The following LRRC59 variants were observed in gnomAD, a reference collection of about 807,000 sequenced individuals.
LRRC59 encodes leucine-rich repeat-containing protein 59.
Under a neutral mutation model 33.5 loss-of-function variants are expected in LRRC59, and 18 were observed. That is an observed-to-expected ratio of 0.54 (90% CI 0.37 to 0.80). The LOEUF (loss-of-function observed/expected upper bound fraction) is 0.80. LRRC59 is among the 30% of genes least tolerant of loss of function. The pLI, the probability that LRRC59 is intolerant of heterozygous loss-of-function variation, is 0.00. For missense variants in LRRC59, 330 were observed against 391.9 expected (o/e 0.84, Z 1.33); for synonymous variants, 138 against 160.0 (o/e 0.86, Z 1.04).
chr17:50,397,360 G>A lies in LRRC59; in HGVS notation c.-43C>T. On this transcript the variant is annotated 5_prime_UTR_variant, in exon 1 of 7. Transcript: ENST00000225972. ...GGGCCCCGGCTCCGGGGTTCCGGCG[G>A]GTGAAAGGAGCTGAAATGTCGCTTG... 3 of 1,496,626 alleles carry A rather than the reference G, an allele frequency of 2.0e-6. No homozygotes were observed. The highest frequency in any genetic ancestry group is 2.8e-6 in the Non-Finnish European group (3 of 1,090,194). 92.7% of individuals were successfully genotyped at this position (1,496,626 alleles called of 1,614,324 possible). A position where few individuals can be genotyped will look rare whatever the true frequency, so the allele number is the denominator to read the frequency against.
At chr17:50,392,562 C>T in intron 3 of LRRC59, 60 bp from the exon 4 acceptor site, 4 of 1,502,610 alleles carry the variant, frequency 2.7e-6, no homozygotes, top group Non-Finnish European at 3.7e-6. Context: ...TACATAGTCC[C>T]TCAGGGTGAA....
chr17:50,391,392 G>A (rs1038920936), intron 4 of LRRC59, among the ~76,000 whole-genome samples: 5 of 152,208 alleles, frequency 3.3e-5, no homozygotes. Flanking sequence ...AGACAGCAGA[G>A]ACTCATCATT....
At chr17:50,389,496 AATAAT>A (rs1466734509) in intron 4 of LRRC59, among the ~76,000 whole-genome samples, 1 of 152,282 alleles carries the variant, frequency 6.6e-6, no homozygotes, top group Non-Finnish European at 1.5e-5. Flanking sequence ...GTGAAGAATA[AATAAT>A]ATAACTTGTA....
chr17:50,393,376 T>C (rs940783331), intron 2 of LRRC59, among the ~76,000 whole-genome samples: 17 of 152,020 alleles, frequency 1.1e-4, no homozygotes, highest in African/African-American at 4.1e-4. Context: ...TGGTTACCCA[T>C]TCTGTCCTTC....
intron 2 of LRRC59, among the ~76,000 whole-genome samples, chr17:50,393,539 T>G (rs1296070904): frequency 6.6e-6 from 1 of 152,196 alleles, no homozygotes; most frequent in African/African-American, 2.4e-5. Context: ...CAACAGACAT[T>G]CTGTGAATAA....
chr17:50,383,893 T>G (rs990100159), intron 6 of LRRC59, among the ~76,000 whole-genome samples: 8 of 151,786 alleles, frequency 5.3e-5, no homozygotes, highest in Non-Finnish European at 1.2e-4. Flanking sequence ...CTTCCTCATT[T>G]AATCCTTATC....
Position 50,383,072 on chromosome 17 carries a change from C to A in LRRC59, c.840G>T (p.Val280=). 6.2e-7 allele frequency: 1 copy of A among 1,611,772 alleles called. No individual in the cohort carries two copies. The highest frequency in any genetic ancestry group is 1.1e-5 in the South Asian group (1 of 90,424). Residue 280 remains valine, a synonymous_variant, in exon 7 of 7, where the codon GTG becomes GTT. Coordinates refer to ENST00000225972, the MANE Select transcript of LRRC59 (RefSeq NM_018509.4). ...ELQQQPLCTS[V]NTIYDNAVQG... ...GGACCGCATTGTCATAGATGGTGTTCACGCTGGTGCAGAGGGGCTGCTGCT... is the reference window on the plus strand; with the variant it reads ...GGACCGCATTGTCATAGATGGTGTTAACGCTGGTGCAGAGGGGCTGCTGCT...
intron 6 of LRRC59, among the ~76,000 whole-genome samples, chr17:50,384,765 CAA>C (rs5820811): frequency 9.8e-5 from 13 of 132,152 alleles, no homozygotes; most frequent in African/African-American, 1.4e-4. Context: ...AACTCTGTCT[CAA>C]AAAAAAAAAA....
rs1913941759 is a variant in LRRC59, at chr17:50,384,048, C to G, written c.677-813G>C. Among the ~76,000 whole-genome samples, 3 of 151,178 alleles carry G rather than the reference C, an allele frequency of 2.0e-5. 1 individual carries two copies. In the South Asian group the frequency reaches 6.3e-4, roughly 32 times the overall value. ...CTCCACTCTCTGTACAGAGCTCCTTCCCTCACCTGCCTCTCCCTCAGGAGT... is the reference window on the plus strand; with the variant it reads ...CTCCACTCTCTGTACAGAGCTCCTTGCCTCACCTGCCTCTCCCTCAGGAGT... On this transcript the variant is annotated intron_variant, in intron 6 of 6. Coordinates refer to ENST00000225972, the MANE Select transcript of LRRC59 (RefSeq NM_018509.4).
At chr17:50,394,203 G>C (rs1914217246) in intron 2 of LRRC59, among the ~76,000 whole-genome samples, 1 of 152,136 alleles carries the variant, frequency 6.6e-6, no homozygotes, top group Non-Finnish European at 1.5e-5. Flanking sequence ...GGGCCAAATA[G>C]GAAGTCACCC....
In LRRC59 at chr17:50,382,060, C is replaced by G. The variant is rs564570664; in HGVS notation, c.*928G>C. 1 of 152,656 alleles carries G rather than the reference C, an allele frequency of 6.6e-6. No homozygotes were observed. Among genetic ancestry groups the G allele is most frequent in the African/African-American group, 2.4e-5 (1 of 41,488 alleles). The allele number at this position is 152,656 out of a possible 1,614,324, so 9.5% of individuals were successfully genotyped here. On this transcript the variant is annotated 3_prime_UTR_variant, in exon 7 of 7. Transcript: ENST00000225972. ...GTGTAGGTTTGCAGAGATCCACCTC[C>G]TTGCTTACTGGCAATTAGGGAGTTA...
chr17:50,389,810 G>C (rs8081109), intron 4 of LRRC59, among the ~76,000 whole-genome samples: 89,478 of 152,006 alleles, frequency 0.59, 27,307 homozygotes, highest in Non-Finnish European at 0.66. Context: ...CAAAAGCCTG[G>C]TTTGGGCCAG....
chr17:50,392,523 C>T, intron 3 of LRRC59, 21 bp from the exon 4 acceptor site: 1 of 1,588,450 alleles, frequency 6.3e-7, no homozygotes, highest in Non-Finnish European at 8.6e-7. Context: ...GGGCGATGGG[C>T]AAAGAGGCTC....
chr17:50,395,726 C>G (rs929662177), intron 1 of LRRC59, among the ~76,000 whole-genome samples: 2 of 152,078 alleles, frequency 1.3e-5, no homozygotes, highest in African/African-American at 4.8e-5. Flanking sequence ...CCAGCCTGAC[C>G]AACACGGAGA....
Position 50,382,786 on chromosome 17 carries a change from CCT to C in LRRC59, c.*200_*201del. 2 of 650,470 alleles carry C rather than the reference CCT, an allele frequency of 3.1e-6. No homozygotes were observed. Among genetic ancestry groups the C allele is most frequent in the Non-Finnish European group, 2.5e-6 (1 of 401,190 alleles). 40.3% of individuals were successfully genotyped at this position (650,470 alleles called of 1,614,324 possible). A position where few individuals can be genotyped will look rare whatever the true frequency, so the allele number is the denominator to read the frequency against. Reference sequence around the variant, plus strand: ...AACTGCCCCCCACGCCCCCCCGCCACCTCCCATTTCTCCTCATTCCTTCAGGG... The same window carrying C: ...AACTGCCCCCCACGCCCCCCCGCCACCCCATTTCTCCTCATTCCTTCAGGG... On this transcript the variant is annotated 3_prime_UTR_variant, in exon 7 of 7. Coordinates refer to ENST00000225972, the MANE Select transcript of LRRC59 (RefSeq NM_018509.4).
rs545584718 is a variant in LRRC59 at position 50,384,989 on chromosome 17, C to T, written c.676+129G>A. On this transcript the variant is annotated intron_variant, in intron 6 of 6. Coordinates refer to ENST00000225972, the MANE Select transcript of LRRC59 (RefSeq NM_018509.4). ...ATTCCCCGTAACCAAACCTTCTCAT[C>T]CACTCCCAAGCTTTAGAGTGTACTT... 705 of 1,087,012 alleles carry T rather than the reference C, an allele frequency of 6.5e-4. 4 individuals are homozygous for T. In the African/African-American group the frequency reaches 0.01, roughly 16 times the overall value. 67.3% of individuals were successfully genotyped at this position (1,087,012 alleles called of 1,614,324 possible).
Position 50,385,036 on chromosome 17 carries a change from C to T in LRRC59, c.676+82G>A, listed in dbSNP as rs1913968022. 3 of 1,478,824 alleles carry T rather than the reference C, an allele frequency of 2.0e-6. No individual in the cohort carries two copies. In the Admixed American group the frequency reaches 5.7e-5, roughly 28 times the overall value. The allele number at this position is 1,478,824 out of a possible 1,614,324, so 91.6% of individuals were successfully genotyped here. On this transcript the variant is annotated intron_variant, in intron 6 of 6. Transcript: ENST00000225972. Reference sequence around the variant, plus strand: ...ACTTTATCTAAGGTTTGCAGGCCTGCTCACCCCAGTTGTCTATGCCTGGAA... The same window carrying T: ...ACTTTATCTAAGGTTTGCAGGCCTGTTCACCCCAGTTGTCTATGCCTGGAA...
intron 2 of LRRC59, among the ~76,000 whole-genome samples, chr17:50,394,126 G>A (rs1388912393): frequency 2.6e-5 from 4 of 152,204 alleles, no homozygotes; most frequent in Non-Finnish European, 5.9e-5. Context: ...AATACTGAGA[G>A]GTGAGTGGAC....
Position 50,394,829 on chromosome 17 carries a change from T to A in LRRC59, c.165+100A>T, listed in dbSNP as rs1312591692. 6.7e-6 allele frequency: 6 copies of A among 890,716 alleles called. No individual in the cohort carries two copies. In the African/African-American group the frequency reaches 8.4e-5, roughly 12 times the overall value. The allele number at this position is 890,716 out of a possible 1,614,324, so 55.2% of individuals were successfully genotyped here. On this transcript the variant is annotated intron_variant, in intron 2 of 6. Transcript: ENST00000225972. ...CCTGCCTGTAGGCCTATCCTGAAAT[T>A]ACACCTTATGACACCCTCCCACCCC...
Sources: allele counts gnomAD v4.1 joint callset (sites outside exome capture counted in the v4.1 genomes callset), GRCh38; gene constraint gnomAD v4.1.1; transcripts MANE v1.5; gene names NCBI Gene and HGNC (gene_info 2026-07-23, HGNC 2026-07-21).